USP34: variants seen among roughly 807,000 people sequenced by gnomAD.
The protein encoded by USP34 is ubiquitin specific peptidase 34.
A neutral mutation model predicts 460.3 loss-of-function variants in USP34; 70 were observed. The ratio of observed to expected loss-of-function variants is 0.15; its 90% CI spans 0.13 to 0.19. The LOEUF (loss-of-function observed/expected upper bound fraction) is 0.19. Among genes scored for constraint, USP34 ranks in the 10% least tolerant of loss-of-function variants. The probability of loss-of-function intolerance (pLI) is 1.00; values close to 1 mark genes in which losing one functional copy is unlikely to be tolerated. For synonymous variants in USP34, 1,647 were observed against 1,405.3 expected (o/e 1.17, Z -3.85); for missense variants, 3,985 against 4,236.2 (o/e 0.94, Z 1.65).
Position 61,232,729 on chromosome 2 carries a change from G to A in USP34, c.7033-197C>T, listed in dbSNP as rs143958290. 3.4e-3 allele frequency among the ~76,000 whole-genome samples: 510 copies of A among 151,974 alleles called. 2 individuals carry two copies. The highest frequency in any genetic ancestry group is 0.011 in the African/African-American group (438 of 41,440). ...ACCTCATTACACAACTCCATGGAAT[G>A]CCATTTACATTATAGTACACAATGT... On this transcript the variant is annotated intron_variant, in intron 57 of 79. Transcript: ENST00000398571.
At chr2:61,273,494 G>C (rs908109204) in intron 41 of USP34, among the ~76,000 whole-genome samples, 6 of 152,100 alleles carry the variant, frequency 3.9e-5, no homozygotes, top group South Asian at 2.1e-4. Flanking sequence ...CGAGGCAGGC[G>C]AATCACCTGA....
intron 5 of USP34, among the ~76,000 whole-genome samples, chr2:61,389,982 T>TA (rs1385057797): frequency 1.3e-5 from 2 of 152,152 alleles, no homozygotes; most frequent in African/African-American, 4.8e-5. Context: ...TCCTATCTAG[T>TA]AAAGAGATAT....
At chr2:61,463,218 T>G (rs1695658857) in intron 1 of USP34, among the ~76,000 whole-genome samples, 1 of 150,862 alleles carries the variant, frequency 6.6e-6, no homozygotes, top group Non-Finnish European at 1.5e-5. Flanking sequence ...ACCCCAACAC[T>G]TTGGGAGGCT....
At chr2:61,380,490 T>C (rs1692937857) in intron 6 of USP34, 129 bp from the exon 7 acceptor site, 1 of 902,862 alleles carries the variant, frequency 1.1e-6, no homozygotes, top group East Asian at 2.6e-5. Context: ...CCTCTGGTTT[T>C]CCTCTCAGGC....
chr2:61,347,767 C>G, intron 15 of USP34, 103 bp downstream of exon 15: 1 of 1,510,794 alleles, frequency 6.6e-7, no homozygotes, highest in African/African-American at 1.4e-5. Flanking sequence ...CACTATACTA[C>G]TAATGAATAG....
At position 61,465,976 on chromosome 2, in the gene USP34, C is replaced by CA. The variant is rs199642472; in HGVS notation, c.43+4673dup. On this transcript the variant is annotated intron_variant, in intron 1 of 79. Transcript: ENST00000398571. Reference sequence around the variant, plus strand: ...TGGGTGACAGAACAAGACTCTGTCTCAAAAAAAAATAAAATAAAATAAACA... The same window carrying CA: ...TGGGTGACAGAACAAGACTCTGTCTCAAAAAAAAAATAAAATAAAATAAACA... Among the ~76,000 whole-genome samples, 1,002 of 144,596 alleles carry CA rather than the reference C, an allele frequency of 6.9e-3. 8 individuals carry two copies. The highest frequency in any genetic ancestry group is 0.024 in the African/African-American group (932 of 39,164). The allele number at this position is 144,596 out of a possible 152,430, so 94.9% of individuals were successfully genotyped here. A position where few individuals can be genotyped will look rare whatever the true frequency, so the allele number is the denominator to read the frequency against.
intron 15 of USP34, among the ~76,000 whole-genome samples, chr2:61,346,988 A>G (rs531971132): frequency 1.3e-5 from 2 of 152,038 alleles, no homozygotes; most frequent in Admixed American, 6.5e-5. Context: ...AAATACTAAA[A>G]AAGTAGCCAG....
intron 78 of USP34, chr2:61,189,932 C>G: frequency 5.4e-6 from 1 of 185,602 alleles, no homozygotes; most frequent in East Asian, 1.3e-4. Context: ...ATCAGTAGAT[C>G]ATTAATTGTT....
At chr2:61,263,498 T>TC (rs973246746) in intron 43 of USP34, among the ~76,000 whole-genome samples, 3 of 151,394 alleles carry the variant, frequency 2.0e-5, no homozygotes, top group African/African-American at 7.3e-5. Flanking sequence ...TTTTTTTTTT[T>TC]TGAGACAAAG....
At chr2:61,327,790 G>A (rs1691139837) in intron 20 of USP34, among the ~76,000 whole-genome samples, 1 of 151,982 alleles carries the variant, frequency 6.6e-6, no homozygotes, top group African/African-American at 2.4e-5. Flanking sequence ...AAATTCCTTG[G>A]GATGTCAGAC....
At position 61,288,786 on chromosome 2, in the gene USP34, A is replaced by C; in HGVS notation, c.4640T>G (p.Phe1547Cys). Residue 1547 changes from phenylalanine (F) to cysteine (C), a missense_variant, in exon 34 of 80, where the codon TTT becomes TGT. Around this residue, in one of 14 missense-constraint regions of USP34, gnomAD observed 1,114 missense variants for 1,122.5 expected, o/e 0.99. Transcript: ENST00000398571. ...SDLDLAYHDV[F>C]AWSGIAESHR... ...GCTTTCCGCTATACCAGACCAGGCA[A>C]AGACATCATGATAAGCTAAATCCAA... 1.2e-6 allele frequency: 2 copies of C among 1,614,060 alleles called. No individual in the cohort carries two copies. The highest frequency in any genetic ancestry group is 1.7e-6 in the Non-Finnish European group (2 of 1,179,968).
At position 61,188,353 on chromosome 2, in the gene USP34, C is replaced by T. The variant is rs773063379; in HGVS notation, c.10390G>A (p.Glu3464Lys). Residue 3464 changes from glutamate to lysine, a missense_variant, in exon 80 of 80, where the codon GAA (glutamate) becomes AAA (lysine). Physicochemically the swap from Glu to Lys is moderately conservative, Grantham distance 56. Coordinates refer to ENST00000398571, the MANE Select transcript of USP34 (RefSeq NM_014709.4). Reference sequence around the variant, plus strand: ...GAAGTAGAAGGGAACTCAGATTCTTCCTCAGCTAGGGTAGAATCCTTGGAA... The same window carrying T: ...GAAGTAGAAGGGAACTCAGATTCTTTCTCAGCTAGGGTAGAATCCTTGGAA... The part of the protein sequence containing the change: ...HCSKDSTLAE[E>K]ESEFPSTSIS... 7.4e-6 allele frequency: 12 copies of T among 1,613,744 alleles called. No homozygotes were observed. The South Asian group carries it at 8.8e-5, about 12-fold the overall frequency.
At position 61,406,041 on chromosome 2, in the gene USP34, T is replaced by C. The variant is rs558263277; in HGVS notation, c.219A>G (p.Gln73=). ...VCALINLVIA[Q]VQVLRDQLCK... ...AAAGCTGGTCCCGGAGCACTTGAAC[T>C]TGGGCAATCACTAAGTTAATAAGTG... is the stretch of plus-strand genomic sequence containing the variant. Residue 73 remains glutamine, a synonymous_variant, in exon 3 of 80, where the codon CAA becomes CAG. Coordinates refer to ENST00000398571, the MANE Select transcript of USP34 (RefSeq NM_014709.4). 22 of 1,613,852 alleles carry C rather than the reference T, an allele frequency of 1.4e-5. No individual in the cohort carries two copies. Among genetic ancestry groups the C allele is most frequent in the Non-Finnish European group, 1.8e-5 (21 of 1,179,950 alleles).
intron 19 of USP34, among the ~76,000 whole-genome samples, chr2:61,332,534 A>T (rs913314870): frequency 2.0e-5 from 3 of 152,018 alleles, no homozygotes; most frequent in Non-Finnish European, 4.4e-5. Context: ...CTTCTATACA[A>T]GAAAGTTACT....
In USP34 at chr2:61,278,242, C is replaced by T. The variant is rs1406528460; in HGVS notation, c.5356G>A (p.Gly1786Arg). The change falls in exon 41 of 80, where the codon GGG becomes AGG. Residue 1786 changes from glycine (G) to arginine (R), a missense_variant. By Grantham distance (125) the Gly-to-Arg change is moderately radical (BLOSUM62 -2). Around this residue, in one of 14 missense-constraint regions of USP34, gnomAD observed 1,114 missense variants for 1,122.5 expected, o/e 0.99. Transcript: ENST00000398571. The stretch of plus-strand genomic sequence containing the variant: ...GCAAGCCTTAGGAGTCCTGTAAGCC[C>T]ATCATCTTCTACATTACCATCCTGA... The part of the protein sequence containing the change: ...DHQDGNVEDD[G>R]LTGLLRLATS... The T allele has an allele frequency of 1.9e-6, 3 of 1,613,654 alleles. No homozygotes were observed. The highest frequency in any genetic ancestry group is 1.3e-5 in the African/African-American group (1 of 75,002).
intron 8 of USP34, among the ~76,000 whole-genome samples, chr2:61,377,595 G>A (rs1276803222): frequency 6.6e-6 from 1 of 151,872 alleles, no homozygotes; most frequent in African/African-American, 2.4e-5. Context: ...TCCACCATGC[G>A]AAAATAAAAG....
intron 6 of USP34, among the ~76,000 whole-genome samples, 162 bp from the exon 7 acceptor site, chr2:61,380,523 T>C (rs1001851619): frequency 6.6e-6 from 1 of 152,216 alleles, no homozygotes; most frequent in African/African-American, 2.4e-5. Flanking sequence ...CTTTGGCAGA[T>C]TCCTTCTCTG....
At chr2:61,237,554 ATTTTTTTTTTTTTTTTT>A (rs71403400) in intron 53 of USP34, among the ~76,000 whole-genome samples, 1 of 45,126 alleles carries the variant, frequency 2.2e-5, no homozygotes, top group African/African-American at 9.0e-5. Flanking sequence ...TTTTCTGTGG[ATTTTTTTTTTTTTTTTT>A]TTTTTTTTTT....
At chr2:61,402,699 T>C in intron 3 of USP34, among the ~76,000 whole-genome samples, 1 of 151,956 alleles carries the variant, frequency 6.6e-6, no homozygotes, top group East Asian at 1.9e-4. Context: ...TAACGAAAAA[T>C]CAAAATCAAA....
Sources: gnomAD v4.1 joint callset for allele counts (sites outside exome capture counted in the v4.1 genomes callset) on GRCh38, gnomAD v4.1.1 for gene constraint, gnomAD v4.1.1 regional missense constraint, MANE v1.5 for transcripts, NCBI Gene and HGNC (gene_info 2026-07-23, HGNC 2026-07-21) for gene names.